Variants in AKAP13 observed in about 807,000 individuals in gnomAD.
AKAP13 encodes A-kinase anchor protein 13.
In AKAP13, 80 loss-of-function variants were observed where a neutral mutation model predicts 264.5. The ratio of observed to expected loss-of-function variants is 0.30; its 90% CI spans 0.25 to 0.36. The LOEUF (loss-of-function observed/expected upper bound fraction) is 0.36, where lower values mean the gene tolerates loss of function less well. Ranked by LOEUF, AKAP13 falls within the 10% of genes least tolerant of loss-of-function variation. The pLI is 1.00. For synonymous variants in AKAP13, 1,380 were observed against 1,250.2 expected, an observed-to-expected ratio of 1.10 and a Z score of -2.19; for missense variants, 3,712 against 3,435.2, an observed-to-expected ratio of 1.08 and a Z score of -2.01.
intron 8 of AKAP13, among the ~76,000 whole-genome samples, chr15:85,610,297 C>A (rs2080546065): frequency 1.3e-5 from 2 of 152,286 alleles, no homozygotes; most frequent in African/African-American, 2.4e-5. Flanking sequence ...TCACTTGTTG[C>A]CTCTTCCCTT....
At chr15:85,619,384 C>G (rs1216438846) in intron 8 of AKAP13, 1 of 985,028 alleles carries the variant, frequency 1.0e-6, no homozygotes, top group South Asian at 4.7e-5. Flanking sequence ...CAGGAGTGGT[C>G]TTTTATTTTT....
rs1442968568 is a variant in AKAP13 at position 85,722,269 on chromosome 15, C to T, written c.6418C>T (p.Pro2140Ser). 1 of 1,613,854 alleles carries T rather than the reference C, an allele frequency of 6.2e-7. No individual in the cohort carries two copies. Among genetic ancestry groups the T allele is most frequent in the Admixed American group, 1.7e-5 (1 of 59,936 alleles). ...SSSVVRRLGI[P>S]ECILLVTQRI... ...TTCAGTTGTTAGAAGGCTTGGAATT[C>T]CAGAGTGCATATTGCTTGTAACTCA... is the stretch of plus-strand genomic sequence containing the variant. Residue 2140 changes from proline (P) to serine (S), a missense_variant, in exon 25 of 37, where the codon CCA becomes TCA. Physicochemically the swap from Pro to Ser is moderately conservative, Grantham distance 74. Around this residue, in one of 3 missense-constraint regions of AKAP13, gnomAD observed 342 missense variants for 484.3 expected, o/e 0.71. Coordinates refer to ENST00000394518, the MANE Select transcript of AKAP13 (RefSeq NM_007200.5).
At chr15:85,612,195 AT>A (rs2151392441) in intron 8 of AKAP13, among the ~76,000 whole-genome samples, 1 of 152,308 alleles carries the variant, frequency 6.6e-6, no homozygotes, top group East Asian at 1.9e-4. Context: ...TCTATTTGCC[AT>A]GTTTAGTGTT....
At chr15:85,594,326 T>C (rs559303737) in intron 8 of AKAP13, among the ~76,000 whole-genome samples, 2 of 152,378 alleles carry the variant, frequency 1.3e-5, no homozygotes, top group South Asian at 4.1e-4. Context: ...CAAAGGCTCA[T>C]ATTCTAGTAG....
At position 85,664,705 on chromosome 15, in the gene AKAP13, G is replaced by C; in HGVS notation, c.4942G>C (p.Glu1648Gln). 6.2e-7 allele frequency: 1 copy of C among 1,614,102 alleles called. No homozygotes were observed. The highest frequency in any genetic ancestry group is 1.1e-5 in the South Asian group (1 of 91,070). The change falls in exon 13 of 37, where the codon GAA (glutamate) becomes CAA (glutamine). Residue 1648 changes from glutamate (E) to glutamine (Q), a missense_variant. Glu to Gln is a conservative substitution (Grantham distance 29). This residue lies in a region of AKAP13 where 2,759 missense variants were observed against 2,411.7 expected (regional missense o/e 1.14). Coordinates refer to ENST00000394518, the MANE Select transcript of AKAP13 (RefSeq NM_007200.5). ...GGTTGACTCTTTGGTGTCACTTTCA[G>C]AAGAGGATCTGGAGTCAGACCAGAG... ...ERVDSLVSLSEEDLESDQREH... is the reference protein window; with the variant it reads ...ERVDSLVSLSQEDLESDQREH...
chr15:85,662,580 C>A, intron 12 of AKAP13: 2 of 1,049,640 alleles, frequency 1.9e-6, no homozygotes, highest in Non-Finnish European at 2.9e-6. Flanking sequence ...TCTGTGAGCA[C>A]AGCATTTCAT....
chr15:85,490,280 A>T (rs1405991435), intron 2 of AKAP13, among the ~76,000 whole-genome samples: 1 of 152,202 alleles, frequency 6.6e-6, no homozygotes, highest in Non-Finnish European at 1.5e-5. Flanking sequence ...ATGACAGTTG[A>T]TTGAGAACTT....
At chr15:85,541,390 T>G (rs1034742310) in intron 4 of AKAP13, among the ~76,000 whole-genome samples, 1 of 152,196 alleles carries the variant, frequency 6.6e-6, no homozygotes, top group Non-Finnish European at 1.5e-5. Context: ...TCTAGGTTGT[T>G]GAGTGAGTGT....
chr15:85,486,711 T>C (rs2075559756), intron 2 of AKAP13, among the ~76,000 whole-genome samples: 1 of 151,628 alleles, frequency 6.6e-6, no homozygotes, highest in African/African-American at 2.4e-5. Flanking sequence ...GATGGTATTG[T>C]TAATTTTGTT....
chr15:85,656,565 G>GTC (rs1454647858), intron 11 of AKAP13, among the ~76,000 whole-genome samples: 6 of 152,092 alleles, frequency 3.9e-5, no homozygotes, highest in Non-Finnish European at 7.4e-5. Context: ...TCCTGCCTCA[G>GTC]TCTCCCAAGT....
intron 12 of AKAP13, 82 bp from the exon 13 acceptor site, chr15:85,664,481 A>T: frequency 7.3e-7 from 1 of 1,371,018 alleles, no homozygotes; most frequent in South Asian, 1.5e-5. Context: ...AACAAGGGAG[A>T]TATACCCAAA....
At chr15:85,575,827 T>C (rs1241706089) in intron 6 of AKAP13, among the ~76,000 whole-genome samples, 1 of 152,002 alleles carries the variant, frequency 6.6e-6, no homozygotes, top group Non-Finnish European at 1.5e-5. Context: ...AAACTCTGGC[T>C]CTACAGAAGT....
intron 7 of AKAP13, 139 bp downstream of exon 7, chr15:85,582,246 C>T (rs1315897521): frequency 6.4e-6 from 6 of 944,478 alleles, no homozygotes; most frequent in South Asian, 5.8e-5. Flanking sequence ...AGTTAATAGT[C>T]ACCACCATCA....
intron 2 of AKAP13, among the ~76,000 whole-genome samples, chr15:85,496,325 A>G (rs1422312669): frequency 6.6e-6 from 1 of 152,078 alleles, no homozygotes; most frequent in Non-Finnish European, 1.5e-5. Context: ...TTTACTCCAG[A>G]CTTACATTTT....
intron 8 of AKAP13, among the ~76,000 whole-genome samples, chr15:85,623,420 C>T (rs1349529231): frequency 6.6e-6 from 1 of 152,194 alleles, no homozygotes; most frequent in Non-Finnish European, 1.5e-5. Flanking sequence ...CCAATCCCTC[C>T]CATTGACATC....
At chr15:85,447,853 G>A (rs11638594) in intron 1 of AKAP13, among the ~76,000 whole-genome samples, 38,061 of 152,088 alleles carry the variant, frequency 0.25, 6,350 homozygotes, top group Non-Finnish European at 0.37. Flanking sequence ...TGTCTTTATG[G>A]TAGAATGATT....
intron 1 of AKAP13, among the ~76,000 whole-genome samples, chr15:85,429,826 A>G (rs1013687327): frequency 6.6e-6 from 1 of 152,242 alleles, no homozygotes; most frequent in African/African-American, 2.4e-5. Context: ...TATGCTATCA[A>G]GGATAATCTT....
intron 34 of AKAP13, chr15:85,740,682 T>G (rs1004223692): frequency 3.1e-6 from 1 of 323,688 alleles, no homozygotes; most frequent in South Asian, 4.7e-5. Context: ...CTTCCTTTCT[T>G]GAAGATCTAA....
At chr15:85,546,343 C>G (rs982261109) in intron 5 of AKAP13, among the ~76,000 whole-genome samples, 1 of 151,798 alleles carries the variant, frequency 6.6e-6, no homozygotes, top group African/African-American at 2.4e-5. Context: ...CACACACACA[C>G]ACACACACAC....
Sources: gnomAD v4.1 joint callset for allele counts (sites outside exome capture counted in the v4.1 genomes callset) on GRCh38, gnomAD v4.1.1 for gene constraint, gnomAD v4.1.1 regional missense constraint, MANE v1.5 for transcripts, NCBI Gene and HGNC (gene_info 2026-07-23, HGNC 2026-07-21) for gene names.